MTUS1: variants seen among roughly 807,000 people sequenced by gnomAD.
The protein encoded by MTUS1 is microtubule associated scaffold protein 1.
Under a neutral mutation model 120.8 loss-of-function variants are expected in MTUS1, and 109 were observed. The ratio of observed to expected loss-of-function variants is 0.90; its 90% CI spans 0.77 to 1.06. MTUS1 has a LOEUF of 1.06. Among genes scored for constraint, MTUS1 ranks in the 50% least tolerant of loss-of-function variants. MTUS1 has a pLI of 0.00. For missense variants in MTUS1, 2,210 were observed against 1,486.3 expected, an observed-to-expected ratio of 1.49 and a Z score of -8.01; for synonymous variants, 737 against 550.5, an observed-to-expected ratio of 1.34 and a Z score of -4.74.
intron 1 of MTUS1, among the ~76,000 whole-genome samples, chr8:17,786,079 G>A (rs1211010304): frequency 6.6e-6 from 1 of 152,198 alleles, no homozygotes; most frequent in Admixed American, 6.5e-5. Context: ...GTTAGAGGCT[G>A]CCGTGAGCCA....
intron 7 of MTUS1, 47 bp downstream of exon 7, chr8:17,684,281 C>G (rs12679725): frequency 0.015 from 22,339 of 1,455,470 alleles, 326 homozygotes; most frequent in African/African-American, 0.052. Context: ...TCCCCGTGCT[C>G]CCCCGACCTC....
chr8:17,786,845 G>C (rs1425518466), intron 1 of MTUS1, among the ~76,000 whole-genome samples: 1 of 152,188 alleles, frequency 6.6e-6, no homozygotes, highest in East Asian at 1.9e-4. Context: ...TTTATCACAA[G>C]AGACTTTCGC....
intron 8 of MTUS1, among the ~76,000 whole-genome samples, chr8:17,660,230 G>C (rs2130378171): frequency 6.6e-6 from 1 of 152,182 alleles, no homozygotes; most frequent in East Asian, 1.9e-4. Context: ...AAAATTAGCG[G>C]GGCATGATGG....
At chr8:17,718,982 CA>C (rs942732899) in intron 4 of MTUS1, among the ~76,000 whole-genome samples, 1 of 151,852 alleles carries the variant, frequency 6.6e-6, no homozygotes, top group African/African-American at 2.4e-5. Context: ...CCAGCCTGGC[CA>C]ATATGGCAAA....
intron 1 of MTUS1, chr8:17,780,750 G>A (rs140981873): frequency 5.9e-5 from 9 of 152,322 alleles, no homozygotes; most frequent in African/African-American, 2.2e-4. Context: ...ACAGCAACCA[G>A]AGTCATCCTT....
At chr8:17,735,568 T>C (rs1387936842) in intron 3 of MTUS1, among the ~76,000 whole-genome samples, 1 of 152,180 alleles carries the variant, frequency 6.6e-6, no homozygotes, top group Non-Finnish European at 1.5e-5. Context: ...TGGTATCCTT[T>C]GACAAGGCCA....
intron 1 of MTUS1, among the ~76,000 whole-genome samples, chr8:17,759,371 T>C (rs1021079444): frequency 6.7e-6 from 1 of 149,172 alleles, no homozygotes; most frequent in South Asian, 2.1e-4. Context: ...TCAAGCGATC[T>C]TCCCACCTCA....
At chr8:17,784,603 G>A (rs1008201401) in intron 1 of MTUS1, among the ~76,000 whole-genome samples, 1 of 151,948 alleles carries the variant, frequency 6.6e-6, no homozygotes, top group African/African-American at 2.4e-5. Context: ...AGACTTTCAA[G>A]AATGAAATGA....
intron 1 of MTUS1, among the ~76,000 whole-genome samples, chr8:17,800,039 C>T (rs556837603): frequency 2.6e-5 from 4 of 152,284 alleles, no homozygotes; most frequent in South Asian, 4.1e-4. Context: ...CCCTAACCAT[C>T]CCTGAAAAAG....
At chr8:17,679,528 G>T (rs1813884972) in intron 7 of MTUS1, among the ~76,000 whole-genome samples, 1 of 150,538 alleles carries the variant, frequency 6.6e-6, no homozygotes, top group Non-Finnish European at 1.5e-5. Context: ...TTTTGAGACA[G>T]GGTCTCACTG....
intron 1 of MTUS1, among the ~76,000 whole-genome samples, chr8:17,782,489 T>C (rs1038181171): frequency 6.6e-6 from 1 of 152,188 alleles, no homozygotes; most frequent in African/African-American, 2.4e-5. Context: ...AGATAAATAT[T>C]TGATTGGTTT....
rs185702334 is a variant in MTUS1 at position 17,777,874 on chromosome 8, T to C, written c.-154-21913A>G. Among the ~76,000 whole-genome samples, 600 of 151,546 alleles carry C rather than the reference T, an allele frequency of 4.0e-3. 2 individuals carry two copies. The highest frequency in any genetic ancestry group is 0.017 in the South Asian group (82 of 4,834). ...GATGAAAATGTTGACAAGAAGGAAT[T>C]AGAAAACCACAGTACAGTGATTCAA... On this transcript the variant is annotated intron_variant, in intron 1 of 14. Transcript: ENST00000693296.
chr8:17,653,029 G>C (rs1225869242), intron 12 of MTUS1, among the ~76,000 whole-genome samples, 157 bp downstream of exon 12: 4 of 152,140 alleles, frequency 2.6e-5, no homozygotes, highest in Non-Finnish European at 5.9e-5. Context: ...ACGCCAGTAA[G>C]CAAAGCAGTT....
chr8:17,679,195 T>C (rs10112397), intron 7 of MTUS1, among the ~76,000 whole-genome samples: 86,352 of 144,090 alleles, frequency 0.6, 25,448 homozygotes, highest in Middle Eastern at 0.73. Context: ...ACAAAAAATA[T>C]ATATACACAC....
At position 17,755,605 on chromosome 8, in the gene MTUS1, T is replaced by C. The variant is rs1474337042; in HGVS notation, c.203A>G (p.Glu68Gly). The change falls in exon 2 of 15, where the codon GAA becomes GGA. Residue 68 changes from glutamate to glycine, a missense_variant. Coordinates refer to ENST00000693296, the MANE Select transcript of MTUS1 (RefSeq NM_001363059.2). ...YETDPAVVTG[E>G]NISLSLQGVE... Reference sequence around the variant, plus strand: ...ACCCTGAAGGCTTAAAGAAATATTTTCACCAGTAACTACAGCAGGGTCAGT... The same window carrying C: ...ACCCTGAAGGCTTAAAGAAATATTTCCACCAGTAACTACAGCAGGGTCAGT... 14 of 1,614,072 alleles carry C rather than the reference T, an allele frequency of 8.7e-6. No individual in the cohort carries two copies. Among genetic ancestry groups the C allele is most frequent in the Non-Finnish European group, 1.2e-5 (14 of 1,180,026 alleles).
chr8:17,692,601 C>G (rs921234473), intron 6 of MTUS1, among the ~76,000 whole-genome samples: 59 of 152,282 alleles, frequency 3.9e-4, no homozygotes, highest in African/African-American at 1.3e-3. Flanking sequence ...CTGCCTGTTA[C>G]TGAACACTTC....
chr8:17,737,053 C>A (rs896541735), intron 3 of MTUS1, among the ~76,000 whole-genome samples: 1 of 152,246 alleles, frequency 6.6e-6, no homozygotes, highest in Non-Finnish European at 1.5e-5. Flanking sequence ...CCCACATTCT[C>A]CTTCACACAT....
At chr8:17,703,843 C>G (rs1819611870) in intron 6 of MTUS1, 1 of 152,188 alleles carries the variant, frequency 6.6e-6, no homozygotes, top group Admixed American at 6.6e-5. Context: ...TGATTTTGCT[C>G]TGGTCCTGTT....
chr8:17,731,693 CAACAGGCAAAGGAAATG>C (rs1355166446), intron 3 of MTUS1, among the ~76,000 whole-genome samples: 1 of 151,932 alleles, frequency 6.6e-6, no homozygotes, highest in Non-Finnish European at 1.5e-5. Context: ...GACATAAAAA[CAACAGGCAAAGGAAATG>C]AACAGCAGCA....
Sources: allele counts gnomAD v4.1 joint callset (sites outside exome capture counted in the v4.1 genomes callset), GRCh38; gene constraint gnomAD v4.1.1; transcripts MANE v1.5; gene names NCBI Gene and HGNC (gene_info 2026-07-23, HGNC 2026-07-21).